Variants in RIT2 observed in about 807,000 individuals in gnomAD.
The protein encoded by RIT2 is Ras like without CAAX 2.
Under a neutral mutation model 23.7 loss-of-function variants are expected in RIT2, and 24 were observed. That is an observed-to-expected ratio of 1.01 (90% CI 0.73 to 1.43). RIT2 has a LOEUF of 1.43. Ranked by LOEUF, RIT2 falls within the 40% of genes most tolerant of loss-of-function variation. RIT2 has a pLI of 0.00. For missense variants in RIT2, 236 were observed against 266.9 expected, an observed-to-expected ratio of 0.88 and a Z score of 0.81; for synonymous variants, 107 against 91.1, an observed-to-expected ratio of 1.17 and a Z score of -0.99.
intron 4 of RIT2, among the ~76,000 whole-genome samples, chr18:42,760,778 G>A (rs528780926): frequency 1.3e-5 from 2 of 152,302 alleles, no homozygotes; most frequent in Non-Finnish European, 2.9e-5. Context: ...TAAATGCAGT[G>A]ATATAGGGAC....
chr18:42,961,007 G>T (rs537301611), intron 3 of RIT2, among the ~76,000 whole-genome samples: 3 of 151,874 alleles, frequency 2.0e-5, no homozygotes, highest in African/African-American at 7.3e-5. Context: ...GTTCCCTCTT[G>T]TGTCTTGGAG....
At chr18:42,921,055 T>C (rs190001828) in intron 4 of RIT2, among the ~76,000 whole-genome samples, 221 of 152,258 alleles carry the variant, frequency 1.5e-3, no homozygotes, top group African/African-American at 4.8e-3. Context: ...TGCAATAGTT[T>C]AGTAAAGTCA....
At chr18:42,975,607 G>T (rs1910460928) in intron 2 of RIT2, among the ~76,000 whole-genome samples, 1 of 152,022 alleles carries the variant, frequency 6.6e-6, no homozygotes, top group Non-Finnish European at 1.5e-5. Context: ...TAATATAGCT[G>T]AGTACACAGG....
intron 3 of RIT2, among the ~76,000 whole-genome samples, chr18:42,962,992 C>T (rs1307974541): frequency 6.6e-6 from 1 of 152,098 alleles, no homozygotes; most frequent in Non-Finnish European, 1.5e-5. Context: ...CAGTGTGTCT[C>T]CAGTTGCTCA....
chr18:43,002,630 G>A (rs560370784), intron 2 of RIT2, among the ~76,000 whole-genome samples: 42 of 151,904 alleles, frequency 2.8e-4, no homozygotes, highest in African/African-American at 1.0e-3. Context: ...CAGGGACTAG[G>A]GCATTGATGA....
intron 4 of RIT2, among the ~76,000 whole-genome samples, chr18:42,840,060 C>G (rs1906721239): frequency 6.6e-6 from 1 of 152,208 alleles, no homozygotes; most frequent in South Asian, 2.1e-4. Context: ...TAATCTATCA[C>G]ATAGGATGTC....
At chr18:42,924,785 T>C (rs954481801) in intron 3 of RIT2, among the ~76,000 whole-genome samples, 5 of 152,096 alleles carry the variant, frequency 3.3e-5, no homozygotes, top group East Asian at 3.9e-4. Context: ...ACTCACAAAA[T>C]GCCCTACTCA....
chr18:42,849,203 T>G (rs1260138444), intron 4 of RIT2, among the ~76,000 whole-genome samples: 1 of 152,130 alleles, frequency 6.6e-6, no homozygotes, highest in Non-Finnish European at 1.5e-5. Context: ...ATATACTGCC[T>G]TTGAATATGA....
intron 4 of RIT2, among the ~76,000 whole-genome samples, chr18:42,892,608 A>G (rs1003742316): frequency 7.9e-5 from 12 of 152,230 alleles, no homozygotes; most frequent in Admixed American, 6.5e-5. Context: ...ATGCTTGAAA[A>G]TGTAGTTGAA....
intron 4 of RIT2, among the ~76,000 whole-genome samples, chr18:42,853,879 A>T (rs938339285): frequency 1.2e-4 from 18 of 152,320 alleles, no homozygotes; most frequent in South Asian, 6.2e-4. Flanking sequence ...CTCTGGGTTT[A>T]TGTTCCAATT....
At chr18:42,854,444 TTCCAA>T (rs1408388602) in intron 4 of RIT2, among the ~76,000 whole-genome samples, 1 of 152,184 alleles carries the variant, frequency 6.6e-6, no homozygotes, top group African/African-American at 2.4e-5. Context: ...CACCTCACTT[TTCCAA>T]TCAGCAGAGG....
intron 1 of RIT2, among the ~76,000 whole-genome samples, chr18:43,090,798 C>T (rs560967096): frequency 5.3e-5 from 8 of 152,078 alleles, no homozygotes; most frequent in Non-Finnish European, 8.8e-5. Context: ...TGCATGTTTT[C>T]GCTTATAAGT....
intron 1 of RIT2, among the ~76,000 whole-genome samples, chr18:43,055,235 T>C (rs1912472800): frequency 6.6e-6 from 1 of 152,160 alleles, no homozygotes; most frequent in Non-Finnish European, 1.5e-5. Flanking sequence ...GAACTAGCCA[T>C]ATTCTTACGA....
chr18:42,962,298 C>G (rs947388566), intron 3 of RIT2, among the ~76,000 whole-genome samples: 1 of 152,038 alleles, frequency 6.6e-6, no homozygotes, highest in African/African-American at 2.4e-5. Flanking sequence ...AATGAGAAAA[C>G]AATTTTAAAA....
At chr18:43,085,781 T>C (rs939147769) in intron 1 of RIT2, among the ~76,000 whole-genome samples, 1 of 152,142 alleles carries the variant, frequency 6.6e-6, no homozygotes, top group Non-Finnish European at 1.5e-5. Flanking sequence ...CTCCCATAAT[T>C]CCCACATGTG....
At chr18:43,016,323 A>G (rs1055660454) in intron 2 of RIT2, among the ~76,000 whole-genome samples, 10 of 151,806 alleles carry the variant, frequency 6.6e-5, no homozygotes, top group African/African-American at 2.4e-4. Context: ...ATAGGTTTTA[A>G]ATTGCTTTTT....
At chr18:42,814,154 C>T (rs144125836) in intron 4 of RIT2, among the ~76,000 whole-genome samples, 6 of 152,196 alleles carry the variant, frequency 3.9e-5, no homozygotes, top group East Asian at 1.9e-4. Context: ...GGGAAAAGGC[C>T]GCAGGGAAAA....
chr18:43,085,549 T>G (rs1031726584), intron 1 of RIT2, among the ~76,000 whole-genome samples: 3 of 152,186 alleles, frequency 2.0e-5, no homozygotes, highest in Admixed American at 2.0e-4. Flanking sequence ...TACATTCTGT[T>G]TCTATGAGGA....
At chr18:42,987,373 T>A (rs914661212) in intron 2 of RIT2, among the ~76,000 whole-genome samples, 1 of 152,144 alleles carries the variant, frequency 6.6e-6, no homozygotes, top group Non-Finnish European at 1.5e-5. Context: ...GGGAAAAATA[T>A]TCCCTCACCC....
Sources: gnomAD v4.1 joint callset for allele counts (sites outside exome capture counted in the v4.1 genomes callset) on GRCh38, gnomAD v4.1.1 for gene constraint, MANE v1.5 for transcripts, NCBI Gene and HGNC (gene_info 2026-07-23, HGNC 2026-07-21) for gene names.